MARCHF11: variants seen among roughly 807,000 people sequenced by gnomAD.
The protein encoded by MARCHF11 is membrane associated ring-CH-type finger 11, also known as E3 ubiquitin-protein ligase MARCHF11.
MARCHF11 carries 29 observed loss-of-function variants against 37.3 expected under a neutral mutation model. The observed-to-expected ratio is 0.78, with a 90% CI of 0.58 to 1.06. The LOEUF is 1.06. MARCHF11 is among the 50% of genes least tolerant of loss of function. The pLI, the probability that MARCHF11 is intolerant of heterozygous loss-of-function variation, is 0.00. For missense variants in MARCHF11, 482 were observed against 533.4 expected (o/e 0.90, Z 0.95); for synonymous variants, 233 against 228.0 (o/e 1.02, Z -0.20).
At chr5:16,071,296 T>C (rs903395148) in intron 3 of MARCHF11, among the ~76,000 whole-genome samples, 3 of 152,204 alleles carry the variant, frequency 2.0e-5, no homozygotes, top group Non-Finnish European at 4.4e-5. Context: ...ATAAAAAATG[T>C]GATTCATGAG....
At chr5:16,146,591 G>C (rs996717819) in intron 2 of MARCHF11, among the ~76,000 whole-genome samples, 3 of 152,144 alleles carry the variant, frequency 2.0e-5, no homozygotes, top group Admixed American at 2.0e-4. Context: ...TGGAGTATAT[G>C]ATGTCTAAGG....
Position 16,135,666 on chromosome 5 carries a change from T to C in MARCHF11, c.693+42060A>G, listed in dbSNP as rs192797130. On this transcript the variant is annotated intron_variant, in intron 2 of 3. Transcript: ENST00000332432. ...AGATGAAAAGCAATCATTACATAGA[T>C]GGCAATGCCAGATGGTCTCCAGGCC... Among the ~76,000 whole-genome samples, 203 of 152,264 alleles carry C rather than the reference T, an allele frequency of 1.3e-3. 1 individual carries two copies. Among genetic ancestry groups the C allele is most frequent in the Middle Eastern group, 3.4e-3 (1 of 294 alleles).
chr5:16,098,786 A>C (rs1465067384), intron 2 of MARCHF11, among the ~76,000 whole-genome samples: 1 of 147,910 alleles, frequency 6.8e-6, no homozygotes, highest in Non-Finnish European at 1.5e-5. Context: ...AAAAGAAAAA[A>C]AATACAAGAT....
At chr5:16,097,859 C>G (rs988554921) in intron 2 of MARCHF11, among the ~76,000 whole-genome samples, 1 of 152,120 alleles carries the variant, frequency 6.6e-6, no homozygotes, top group Admixed American at 6.5e-5. Context: ...AACGCTGATA[C>G]CAAAACCTGA....
chr5:16,132,487 A>G (rs1006738411), intron 2 of MARCHF11, among the ~76,000 whole-genome samples: 6 of 152,230 alleles, frequency 3.9e-5, no homozygotes, highest in Admixed American at 6.5e-5. Context: ...AATGATGGAC[A>G]GTTTGTACAC....
At position 16,179,408 on chromosome 5, in the gene MARCHF11, G is replaced by T. The variant is rs1738429505; in HGVS notation, c.168C>A (p.Pro56=). Residue 56 remains proline (P), a synonymous_variant, in exon 1 of 4, where the codon CCC becomes CCA. Transcript: ENST00000332432. ...GCCCCGCGGCGCGCTCGGGGGTCTC[G>T]GGGGACGCGGGCAGCGGCGGCAGGT... The part of the protein sequence containing the change: ...PRYLPPLPAS[P]ETPERAAGPS... 1 of 1,133,852 alleles carries T rather than the reference G, an allele frequency of 8.8e-7. No homozygotes were observed. The highest frequency in any genetic ancestry group is 1.1e-6 in the Non-Finnish European group (1 of 926,128). 70.2% of individuals were successfully genotyped at this position (1,133,852 alleles called of 1,614,324 possible).
chr5:16,086,815 C>A (rs1736706006), intron 3 of MARCHF11, among the ~76,000 whole-genome samples: 1 of 152,232 alleles, frequency 6.6e-6, no homozygotes, highest in African/African-American at 2.4e-5. Flanking sequence ...TCTTGTGGCA[C>A]TAGCTTCCCT....
At chr5:16,163,286 A>C (rs1321807451) in intron 2 of MARCHF11, among the ~76,000 whole-genome samples, 1 of 152,032 alleles carries the variant, frequency 6.6e-6, no homozygotes, top group Non-Finnish European at 1.5e-5. Flanking sequence ...ATAGGGAAAA[A>C]CAAAACAGTT....
chr5:16,157,539 C>A (rs60085853), intron 2 of MARCHF11, among the ~76,000 whole-genome samples: 34,078 of 151,602 alleles, frequency 0.22, 3,969 homozygotes, highest in South Asian at 0.3. Flanking sequence ...AATGATACGT[C>A]CATGATTAAC....
chr5:16,125,228 G>A (rs912582109), intron 2 of MARCHF11, among the ~76,000 whole-genome samples: 1 of 151,260 alleles, frequency 6.6e-6, no homozygotes, highest in African/African-American at 2.4e-5. Flanking sequence ...TGACACTGCT[G>A]ATAGCTTATT....
At chr5:16,095,612 G>A (rs1000202559) in intron 2 of MARCHF11, among the ~76,000 whole-genome samples, 2 of 152,134 alleles carry the variant, frequency 1.3e-5, no homozygotes, top group South Asian at 4.1e-4. Context: ...AGCATGCAAC[G>A]TCTGTCTCCT....
At chr5:16,152,279 T>C (rs2126598726) in intron 2 of MARCHF11, among the ~76,000 whole-genome samples, 1 of 152,084 alleles carries the variant, frequency 6.6e-6, no homozygotes, top group East Asian at 1.9e-4. Context: ...TAAAGAACTG[T>C]TCCCATTTCT....
chr5:16,171,394 T>A (rs1269898090), intron 2 of MARCHF11, among the ~76,000 whole-genome samples: 1 of 152,014 alleles, frequency 6.6e-6, no homozygotes, highest in Non-Finnish European at 1.5e-5. Flanking sequence ...TGTAAAAACC[T>A]AAGTCCAAAT....
intron 3 of MARCHF11, among the ~76,000 whole-genome samples, chr5:16,088,887 T>C (rs562107016): frequency 1.3e-5 from 2 of 152,306 alleles, no homozygotes; most frequent in East Asian, 1.9e-4. Context: ...AAATGGCAAC[T>C]GTTTTTGTTT....
At position 16,103,781 on chromosome 5, in the gene MARCHF11, G is replaced by A. The variant is rs76285728; in HGVS notation, c.694-12700C>T. ...TTTCCCCTCTTTTAAAAGTCATGCC[G>A]CATAAGAATTACTGAAACCACCAGG... is the stretch of plus-strand genomic sequence containing the variant. On this transcript the variant is annotated intron_variant, in intron 2 of 3. Transcript: ENST00000332432. Among the ~76,000 whole-genome samples, 1,407 of 152,116 alleles carry A rather than the reference G, an allele frequency of 9.2e-3. 14 individuals are homozygous for A. The highest frequency in any genetic ancestry group is 0.032 in the African/African-American group (1,308 of 41,482).
chr5:16,091,399 T>C (rs1488712632), intron 2 of MARCHF11, among the ~76,000 whole-genome samples: 1 of 152,234 alleles, frequency 6.6e-6, no homozygotes, highest in Non-Finnish European at 1.5e-5. Context: ...CTTTCATGCA[T>C]GCACGAAATT....
Position 16,159,624 on chromosome 5 carries a change from A to G in MARCHF11, c.693+18102T>C, listed in dbSNP as rs187034731. On this transcript the variant is annotated intron_variant, in intron 2 of 3. Coordinates refer to ENST00000332432, the MANE Select transcript of MARCHF11 (RefSeq NM_001102562.3). ...CCTCTGAAATGAAATTGTATTTCCC[A>G]TTTAGAAAAAGAAAATTATTTCTAT... is the stretch of plus-strand genomic sequence containing the variant. Among the ~76,000 whole-genome samples, 525 of 152,082 alleles carry G rather than the reference A, an allele frequency of 3.5e-3. 8 individuals are homozygous for G. Among genetic ancestry groups the G allele is most frequent in the African/African-American group, 0.012 (505 of 41,542 alleles).
chr5:16,179,497 G>A lies in MARCHF11; in HGVS notation c.79C>T (p.Pro27Ser). Residue 27 changes from proline (P) to serine (S), a missense_variant, in exon 1 of 4, where the codon CCC becomes TCC. Physicochemically the swap from Pro to Ser is moderately conservative, Grantham distance 74. Transcript: ENST00000332432. ...SGDAEPPPQP[P>S]PPPPPTPPPG... The stretch of plus-strand genomic sequence containing the variant: ...GGCGGCGTCGGCGGCGGCGGCGGGG[G>A]AGGTTGCGGGGGAGGCTCGGCGTCC... 2.6e-6 allele frequency: 3 copies of A among 1,163,658 alleles called. No homozygotes were observed. The highest frequency in any genetic ancestry group is 3.2e-6 in the Non-Finnish European group (3 of 944,792). 72.1% of individuals were successfully genotyped at this position (1,163,658 alleles called of 1,614,324 possible).
intron 2 of MARCHF11, among the ~76,000 whole-genome samples, chr5:16,097,947 T>C (rs1224325420): frequency 6.6e-6 from 1 of 152,186 alleles, no homozygotes; most frequent in Non-Finnish European, 1.5e-5. Context: ...CTCTACTAGA[T>C]ATTAGCAAAT....
Sources: gnomAD v4.1 joint callset for allele counts (sites outside exome capture counted in the v4.1 genomes callset) on GRCh38, gnomAD v4.1.1 for gene constraint, MANE v1.5 for transcripts, NCBI Gene and HGNC (gene_info 2026-07-23, HGNC 2026-07-21) for gene names.